Variants in TG observed in about 807,000 individuals in gnomAD.
The protein encoded by TG is thyroid hormones.
In TG, 270 loss-of-function variants were observed where a neutral mutation model predicts 324.7. The observed-to-expected ratio is 0.83, with a 90% CI of 0.75 to 0.92. TG has a LOEUF of 0.92. TG is among the 40% of genes least tolerant of loss of function. The pLI, the probability that TG is intolerant of heterozygous loss-of-function variation, is 0.00. For synonymous variants in TG, 1,401 were observed against 1,327.0 expected (o/e 1.06, Z -1.21); for missense variants, 3,591 against 3,456.4 (o/e 1.04, Z -0.98).
At chr8:133,026,789 A>G (rs527349588) in intron 40 of TG, among the ~76,000 whole-genome samples, 1 of 152,328 alleles carries the variant, frequency 6.6e-6, no homozygotes, top group South Asian at 2.1e-4. Context: ...ATGCTCCCCC[A>G]GTGGGTGCCC....
intron 11 of TG, among the ~76,000 whole-genome samples, chr8:132,894,792 C>T (rs77499073): frequency 0.035 from 5,374 of 152,288 alleles, 219 homozygotes; most frequent in African/African-American, 0.092. Flanking sequence ...CACCTTTGAG[C>T]AGGCACTTAC....
intron 40 of TG, among the ~76,000 whole-genome samples, chr8:133,027,180 C>T (rs1037797801): frequency 6.6e-6 from 1 of 152,162 alleles, no homozygotes; most frequent in South Asian, 2.1e-4. Context: ...TCTATCAGAT[C>T]GTTGAAGAGA....
Position 133,110,210 on chromosome 8 carries a change from G to A in TG, c.7573-3212G>A, listed in dbSNP as rs559457627. Among the ~76,000 whole-genome samples the A allele has an allele frequency of 7.2e-5, 11 of 152,230 alleles. No homozygotes were observed. In the East Asian group the frequency reaches 1.4e-3, roughly 19 times the overall value. ...GTTCTCCCCACTTCCGCTCCAGCCC[G>A]GGGCATTAGACCCACCCAATATCTG... On this transcript the variant is annotated intron_variant, in intron 43 of 47. Transcript: ENST00000220616.
chr8:133,111,711 A>T (rs1313902622), intron 43 of TG, among the ~76,000 whole-genome samples: 1 of 146,908 alleles, frequency 6.8e-6, no homozygotes. Context: ...GTGTTCTGTT[A>T]TGTATAAGAT....
intron 43 of TG, among the ~76,000 whole-genome samples, chr8:133,110,890 C>T (rs60145921): frequency 0.23 from 34,277 of 152,112 alleles, 4,060 homozygotes; most frequent in African/African-American, 0.28. Flanking sequence ...CACGAACAAC[C>T]AGCCACGACT....
At chr8:132,882,028 A>G (rs16904770) in intron 6 of TG, 59 bp downstream of exon 6, 17,324 of 1,253,094 alleles carry the variant, frequency 0.014, 630 homozygotes, top group African/African-American at 0.11. Context: ...AGGTCTGAAA[A>G]CCTGGATAAC....
intron 29 of TG, chr8:132,964,912 A>G (rs752422147): frequency 1.4e-6 from 1 of 702,260 alleles, no homozygotes; most frequent in Non-Finnish European, 2.6e-6. Flanking sequence ...GGAGGCCAGA[A>G]GGATCTGCCA....
intron 32 of TG, among the ~76,000 whole-genome samples, chr8:132,971,284 G>C (rs929724545): frequency 1.1e-4 from 16 of 152,148 alleles, no homozygotes; most frequent in Admixed American, 7.9e-4. Context: ...GATTATCCAC[G>C]TTGTACACTG....
intron 11 of TG, among the ~76,000 whole-genome samples, chr8:132,895,236 G>A (rs1407018380): frequency 3.3e-5 from 5 of 152,208 alleles, no homozygotes; most frequent in Non-Finnish European, 5.9e-5. Context: ...TCCCTGTCTA[G>A]CTTTCTAGGC....
In TG at chr8:133,017,995, A is replaced by C; in HGVS notation, c.6780A>C (p.Pro2260=). 1 of 1,614,056 alleles carries C rather than the reference A, an allele frequency of 6.2e-7. No homozygotes were observed. Among genetic ancestry groups the C allele is most frequent in the Non-Finnish European group, 8.5e-7 (1 of 1,179,954 alleles). The change falls in exon 38 of 48, where the codon CCA becomes CCC. Residue 2260 remains proline (P), a splice_region_variant and synonymous_variant. Transcript: ENST00000220616. The part of the protein sequence containing the change: ...NWTGSWDASK[P]RASCWQPGTR... ...CAGGCTCCTGGGATGCCAGCAAGCC[A>C]AGGTATGGGTTGAGTGGAGCACATC...
intron 10 of TG, among the ~76,000 whole-genome samples, chr8:132,893,409 T>G (rs1262983443): frequency 7.6e-6 from 1 of 132,334 alleles, no homozygotes; most frequent in African/African-American, 2.9e-5. Flanking sequence ...TGTATGTGTG[T>G]GGTGTGGTGT....
chr8:132,990,927 T>G (rs1433969263), intron 35 of TG, among the ~76,000 whole-genome samples: 2 of 151,780 alleles, frequency 1.3e-5, no homozygotes, highest in South Asian at 2.1e-4. Context: ...TTTTTTTTTT[T>G]TTTTTTTAGC....
intron 27 of TG, among the ~76,000 whole-genome samples, chr8:132,954,324 G>A (rs986854007): frequency 2.0e-5 from 3 of 152,178 alleles, no homozygotes; most frequent in African/African-American, 7.2e-5. Flanking sequence ...TGCTATGTTT[G>A]TGTCTTAGTT....
chr8:132,965,795 C>G (rs1223367769), intron 29 of TG, among the ~76,000 whole-genome samples: 2 of 152,216 alleles, frequency 1.3e-5, no homozygotes, highest in African/African-American at 4.8e-5. Flanking sequence ...GGACTGCAAA[C>G]AGTGTGGTGA....
At chr8:132,942,152 G>T (rs1299998369) in intron 26 of TG, among the ~76,000 whole-genome samples, 3 of 152,174 alleles carry the variant, frequency 2.0e-5, no homozygotes, top group Non-Finnish European at 4.4e-5. Flanking sequence ...AGGGACTTTG[G>T]TGTTATGGAC....
intron 47 of TG, among the ~76,000 whole-genome samples, chr8:133,134,115 A>G (rs1230166316): frequency 6.6e-6 from 1 of 152,222 alleles, no homozygotes; most frequent in African/African-American, 2.4e-5. Context: ...GAGAAAAGAA[A>G]TTATAATGAA....
intron 29 of TG, among the ~76,000 whole-genome samples, 168 bp downstream of exon 29, chr8:132,963,242 G>C (rs900322312): frequency 1.3e-5 from 2 of 152,166 alleles, no homozygotes; most frequent in African/African-American, 4.8e-5. Context: ...AATATGGGAA[G>C]CTCCTCAGAT....
At chr8:133,129,313 G>A (rs1194542681) in intron 45 of TG, among the ~76,000 whole-genome samples, 1 of 152,218 alleles carries the variant, frequency 6.6e-6, no homozygotes, top group Non-Finnish European at 1.5e-5. Context: ...CCTTTCTAAG[G>A]TCGCAGACAG....
chr8:133,106,345 C>A, intron 43 of TG: 1 of 938,334 alleles, frequency 1.1e-6, no homozygotes, highest in Non-Finnish European at 1.3e-6. Flanking sequence ...TGAGGCTCTG[C>A]AGTGCCTGGG....
Sources: allele counts gnomAD v4.1 joint callset (sites outside exome capture counted in the v4.1 genomes callset), GRCh38; gene constraint gnomAD v4.1.1; transcripts MANE v1.5; gene names NCBI Gene and HGNC (gene_info 2026-07-23, HGNC 2026-07-21).